Variants in AKAP13 observed in about 807,000 individuals in gnomAD.
AKAP13 encodes the protein A-kinase anchor protein 13.
Under a neutral mutation model 264.5 loss-of-function variants are expected in AKAP13, and 80 were observed. That is an observed-to-expected ratio of 0.30 (90% CI 0.25 to 0.36). The LOEUF (loss-of-function observed/expected upper bound fraction) is 0.36, where lower values mean the gene tolerates loss of function less well. Among genes scored for constraint, AKAP13 ranks in the 10% least tolerant of loss-of-function variants. The probability of loss-of-function intolerance (pLI) is 1.00; values close to 1 mark genes in which losing one functional copy is unlikely to be tolerated. For synonymous variants in AKAP13, 1,380 were observed against 1,250.2 expected (o/e 1.10, Z -2.19); for missense variants, 3,712 against 3,435.2 (o/e 1.08, Z -2.01).
intron 5 of AKAP13, among the ~76,000 whole-genome samples, chr15:85,567,652 G>T (rs1291243995): frequency 6.6e-6 from 1 of 152,118 alleles, no homozygotes. Flanking sequence ...TTCCTCTTCT[G>T]TGTGCATGTC....
At position 85,727,598 on chromosome 15, in the gene AKAP13, G is replaced by A. The variant is rs2087692498; in HGVS notation, c.7087+135G>A. ...AGCAGGCACTTGAAAGCAGCAAAAT[G>A]AATAGCTGTTAACAAAAGAGAAACC... On this transcript the variant is annotated intron_variant, in intron 29 of 36. Coordinates refer to ENST00000394518, the MANE Select transcript of AKAP13 (RefSeq NM_007200.5). This position sits in a 1 kb window ranked among gnomAD's most constrained non-coding sequence, Gnocchi z 5.3. 2.3e-6 allele frequency: 2 copies of A among 858,940 alleles called. No homozygotes were observed. Among genetic ancestry groups the A allele is most frequent in the East Asian group, 2.6e-5 (1 of 37,748 alleles). 53.2% of individuals were successfully genotyped at this position (858,940 alleles called of 1,614,324 possible). A position where few individuals can be genotyped will look rare whatever the true frequency, so the allele number is the denominator to read the frequency against.
intron 8 of AKAP13, among the ~76,000 whole-genome samples, chr15:85,596,455 A>C (rs2079829533): frequency 6.6e-6 from 1 of 152,056 alleles, no homozygotes; most frequent in Non-Finnish European, 1.5e-5. Context: ...AAAATTAGCC[A>C]GGCGTGGTGG....
chr15:85,639,524 C>T (rs781778410), intron 9 of AKAP13, 75 bp downstream of exon 9: 29 of 1,066,442 alleles, frequency 2.7e-5, no homozygotes, highest in Non-Finnish European at 4.2e-5. Flanking sequence ...GGAGATCTGC[C>T]CTTCCTTAGC....
At chr15:85,611,542 C>G (rs1221529388) in intron 8 of AKAP13, among the ~76,000 whole-genome samples, 1 of 152,234 alleles carries the variant, frequency 6.6e-6, no homozygotes, top group African/African-American at 2.4e-5. Flanking sequence ...CTTTCAGCAG[C>G]TGAGTTCACA....
rs1463083035 is a variant in AKAP13, at chr15:85,581,830, T to A, written c.3762T>A (p.Arg1254=). 2 of 1,614,066 alleles carry A rather than the reference T, an allele frequency of 1.2e-6. No individual in the cohort carries two copies. Among genetic ancestry groups the A allele is most frequent in the Non-Finnish European group, 1.7e-6 (2 of 1,180,020 alleles). ...ACTTGATAGAGGAGGCTGCCAGCCG[T>A]ATAGTGGATGCTGTCATCGAACAAG... ...GADLIEEAAS[R]IVDAVIEQVK... is the part of the protein sequence containing the mutation. Residue 1254 remains arginine, a synonymous_variant, in exon 7 of 37, where the codon CGT becomes CGA. Coordinates refer to ENST00000394518, the MANE Select transcript of AKAP13 (RefSeq NM_007200.5).
chr15:85,433,659 T>G (rs2073126123), intron 1 of AKAP13, among the ~76,000 whole-genome samples: 1 of 152,106 alleles, frequency 6.6e-6, no homozygotes, highest in South Asian at 2.1e-4. Context: ...TATGGTTTCA[T>G]TAAAACCAGG....
At chr15:85,634,540 T>C (rs1413809084) in intron 8 of AKAP13, among the ~76,000 whole-genome samples, 1 of 152,240 alleles carries the variant, frequency 6.6e-6, no homozygotes, top group African/African-American at 2.4e-5. Context: ...TTATATTTTA[T>C]ACTTCTGTTT....
chr15:85,638,937 T>A (rs2082185658), intron 8 of AKAP13, among the ~76,000 whole-genome samples: 1 of 152,112 alleles, frequency 6.6e-6, no homozygotes, highest in South Asian at 2.1e-4. Context: ...ATTTTGTATT[T>A]TAGTAGAGAT....
At chr15:85,654,868 G>T (rs2083026165) in intron 10 of AKAP13, among the ~76,000 whole-genome samples, 1 of 151,944 alleles carries the variant, frequency 6.6e-6, no homozygotes, top group East Asian at 1.9e-4. Flanking sequence ...TGTACTTCTA[G>T]TGTAGTACCT....
intron 2 of AKAP13, among the ~76,000 whole-genome samples, chr15:85,513,665 T>C (rs928785122): frequency 1.3e-5 from 2 of 152,250 alleles, no homozygotes; most frequent in African/African-American, 4.8e-5. Flanking sequence ...TTTCCTAAAA[T>C]AGGGATATTC....
chr15:85,512,024 A>G (rs530787481), intron 2 of AKAP13, among the ~76,000 whole-genome samples: 20 of 150,614 alleles, frequency 1.3e-4, no homozygotes, highest in African/African-American at 4.4e-4. Context: ...TTTTTCTTTC[A>G]GTATATACCA....
intron 3 of AKAP13, among the ~76,000 whole-genome samples, chr15:85,532,897 C>T (rs1249953525): frequency 6.6e-6 from 1 of 152,178 alleles, no homozygotes; most frequent in Non-Finnish European, 1.5e-5. Flanking sequence ...GAACTGGGCT[C>T]CCAGCCACAG....
At chr15:85,737,303 C>T (rs1400437711) in intron 33 of AKAP13, among the ~76,000 whole-genome samples, 4 of 152,104 alleles carry the variant, frequency 2.6e-5, no homozygotes, top group African/African-American at 9.7e-5. Flanking sequence ...GAAGGATGCC[C>T]ATCCCCCATC....
rs1442007386 is a variant in AKAP13, at chr15:85,748,698, A to AATTT, written c.*4023_*4026dup. ...AAGGCATCTTTCCAAGTACTCATCT[A>AATTT]ATTTAATTGTCAAAAGATTGATAGG... On this transcript the variant is annotated 3_prime_UTR_variant, in exon 37 of 37. Coordinates refer to ENST00000394518, the MANE Select transcript of AKAP13 (RefSeq NM_007200.5). The AATTT allele has an allele frequency of 6.6e-6, 1 of 152,122 alleles. No homozygotes were observed. The highest frequency in any genetic ancestry group is 1.5e-5 in the Non-Finnish European group (1 of 68,016). The allele number at this position is 152,122 out of a possible 1,614,324, so 9.4% of individuals were successfully genotyped here. A position where few individuals can be genotyped will look rare whatever the true frequency, so the allele number is the denominator to read the frequency against.
chr15:85,546,948 T>G (rs1336919610), intron 5 of AKAP13, among the ~76,000 whole-genome samples: 2 of 152,124 alleles, frequency 1.3e-5, no homozygotes, highest in Non-Finnish European at 2.9e-5. Flanking sequence ...TTCACCATGT[T>G]GGTCAGGCTG....
At chr15:85,662,827 C>G (rs2083421394) in intron 12 of AKAP13, among the ~76,000 whole-genome samples, 2 of 152,214 alleles carry the variant, frequency 1.3e-5, no homozygotes, top group Non-Finnish European at 2.9e-5. Context: ...TCTAAATCCA[C>G]CATTCTGTGT....
At position 85,655,163 on chromosome 15, in the gene AKAP13, G is replaced by T. The variant is rs923098154; in HGVS notation, c.4375-254G>T. Among the ~76,000 whole-genome samples the T allele has an allele frequency of 5.9e-5, 9 of 152,328 alleles. 1 individual carries two copies. The highest frequency in any genetic ancestry group is 5.2e-4 in the Admixed American group (8 of 15,304). On this transcript the variant is annotated intron_variant, in intron 10 of 36. Coordinates refer to ENST00000394518, the MANE Select transcript of AKAP13 (RefSeq NM_007200.5). ...GCTAAGATGGAGCCACTGTACTCCA[G>T]CCTGGGCGACAGAGTGAGACTGTCT... is the stretch of plus-strand genomic sequence containing the variant.
intron 1 of AKAP13, among the ~76,000 whole-genome samples, chr15:85,440,782 C>T (rs553503335): frequency 7.9e-5 from 12 of 152,306 alleles, no homozygotes; most frequent in Admixed American, 6.5e-5. Context: ...AAGTTTACTT[C>T]TGCCTCTTTT....
At chr15:85,631,498 TCTCTCACACACACACACACACA>T (rs1383623710) in intron 8 of AKAP13, among the ~76,000 whole-genome samples, 2 of 66,532 alleles carry the variant, frequency 3.0e-5, no homozygotes, top group East Asian at 6.4e-4. Context: ...TCTCTCTCTC[TCTCTCACACACACACACACACA>T]CACACACACA....
Sources: allele counts gnomAD v4.1 joint callset (sites outside exome capture counted in the v4.1 genomes callset), GRCh38; gene constraint gnomAD v4.1.1; non-coding constraint Gnocchi (gnomAD v3.1); transcripts MANE v1.5; gene names NCBI Gene and HGNC (gene_info 2026-07-23, HGNC 2026-07-21).